Variants in ALG1 observed in about 807,000 individuals in gnomAD.
ALG1 encodes chitobiosyldiphosphodolichol beta-mannosyltransferase.
Under a neutral mutation model 55.1 loss-of-function variants are expected in ALG1, and 58 were observed. The observed-to-expected ratio is 1.05, with a 90% CI of 0.85 to 1.31. The LOEUF is 1.31. Ranked by LOEUF, ALG1 falls within the 50% of genes most tolerant of loss-of-function variation. The pLI is 0.00. For missense variants in ALG1, 761 were observed against 598.6 expected (o/e 1.27, Z -2.83); for synonymous variants, 309 against 247.0 (o/e 1.25, Z -2.35).
At chr16:5,072,278 T>C (rs2100122427) in intron 1 of ALG1, 3 of 1,445,134 alleles carry the variant, frequency 2.1e-6, no homozygotes, top group Non-Finnish European at 2.7e-6. Context: ...AGTGAATCCA[T>C]TGCGTGGTCT....
chr16:5,075,795 C>T (rs181928360), intron 4 of ALG1, among the ~76,000 whole-genome samples: 2 of 152,324 alleles, frequency 1.3e-5, no homozygotes, highest in Admixed American at 6.5e-5. Context: ...TGGGACCCAG[C>T]TCACGTCTGT....
intron 8 of ALG1, 118 bp downstream of exon 8, chr16:5,079,220 A>T: frequency 1.5e-6 from 2 of 1,373,380 alleles, no homozygotes; most frequent in Non-Finnish European, 2.0e-6. Context: ...CAGCCTGGGG[A>T]CAGCGGGGGT....
chr16:5,072,908 T>C, intron 1 of ALG1, 43 bp from the exon 2 acceptor site: 2 of 1,558,500 alleles, frequency 1.3e-6, no homozygotes, highest in Middle Eastern at 1.7e-4. Context: ...TGACTTTAGA[T>C]TGCTGCTTCT....
chr16:5,072,692 G>C (rs1364447200), intron 1 of ALG1, among the ~76,000 whole-genome samples: 3 of 152,178 alleles, frequency 2.0e-5, no homozygotes, highest in Non-Finnish European at 4.4e-5. Flanking sequence ...ATCTAGATTA[G>C]TTTAATTGAG....
intron 9 of ALG1, among the ~76,000 whole-genome samples, chr16:5,080,714 C>G (rs1203987722): frequency 6.6e-6 from 1 of 152,208 alleles, no homozygotes; most frequent in Non-Finnish European, 1.5e-5. Context: ...CAGCCCGAGG[C>G]CAGCTGGCTG....
chr16:5,080,383 C>G (rs1243819910), intron 9 of ALG1, among the ~76,000 whole-genome samples: 2 of 152,164 alleles, frequency 1.3e-5, no homozygotes, highest in Non-Finnish European at 2.9e-5. Flanking sequence ...GGTGCCTTAA[C>G]CAAGCCTCTT....
In ALG1 at chr16:5,071,941, C is replaced by T. The variant is rs1176194679; in HGVS notation, c.92C>T (p.Ala31Val). The change falls in exon 1 of 13, where the codon GCG (alanine) becomes GTG (valine). Residue 31 changes from alanine to valine, a missense_variant. Physicochemically the swap from Ala to Val is moderately conservative, Grantham distance 64. Transcript: ENST00000262374. ...TGGAAGCGCTGGCGCCGGGGGCGGG[C>T]GGCCCGGCATGTAGTAGCGGTGGTG... ...GGWKRWRRGR[A>V]ARHVVAVVLG... 17 of 1,587,756 alleles carry T rather than the reference C, an allele frequency of 1.1e-5. No individual in the cohort carries two copies. The highest frequency in any genetic ancestry group is 1.3e-5 in the African/African-American group (1 of 74,240).
chr16:5,078,028 C>G lies in ALG1; in HGVS notation c.740+11C>G. 6.3e-7 allele frequency: 1 copy of G among 1,597,566 alleles called. No individual in the cohort carries two copies. The highest frequency in any genetic ancestry group is 1.3e-5 in the African/African-American group (1 of 74,974). On this transcript the variant is annotated intron_variant, in intron 6 of 12. Coordinates refer to ENST00000262374, the MANE Select transcript of ALG1 (RefSeq NM_019109.5). Reference sequence around the variant, plus strand: ...TCCGTTCAGGGCCCGGTAGGCCTCCCATCCTCAGCTGCCTTCTCTCCTGCT... The same window carrying G: ...TCCGTTCAGGGCCCGGTAGGCCTCCGATCCTCAGCTGCCTTCTCTCCTGCT...
At chr16:5,082,966 C>T (rs1318720821) in intron 11 of ALG1, among the ~76,000 whole-genome samples, 2 of 152,176 alleles carry the variant, frequency 1.3e-5, no homozygotes, top group African/African-American at 4.8e-5. Context: ...ACAAAAAGCA[C>T]CTTAAATACC....
At chr16:5,077,350 C>T in intron 4 of ALG1, 95 bp from the exon 5 acceptor site, 7 of 1,105,674 alleles carry the variant, frequency 6.3e-6, no homozygotes, top group Non-Finnish European at 9.7e-6. Context: ...TCTCCCAGCT[C>T]TGCGGCCTTT....
chr16:5,077,641 A>G, intron 5 of ALG1, 107 bp downstream of exon 5: 1 of 1,221,622 alleles, frequency 8.2e-7, no homozygotes, highest in East Asian at 2.3e-5. Context: ...GCAATTTGAA[A>G]TACTGAGGGC....
intron 1 of ALG1, 71 bp downstream of exon 1, chr16:5,072,128 G>A (rs1370175579): frequency 5.2e-6 from 8 of 1,548,726 alleles, no homozygotes; most frequent in Admixed American, 3.9e-5. Flanking sequence ...CCGCCCCGGG[G>A]AGTCGAGGCG....
chr16:5,083,747 C>T lies in ALG1; in HGVS notation c.1253C>T (p.Ala418Val), dbSNP rs1410389037. Residue 418 changes from alanine to valine, a missense_variant, in exon 12 of 13, where the codon GCT becomes GTT. Coordinates refer to ENST00000262374, the MANE Select transcript of ALG1 (RefSeq NM_019109.5). The part of the protein sequence containing the change: ...LVFEDSEELA[A>V]QLQMLFSNFP... Reference sequence around the variant, plus strand: ...TTTGAGGACTCAGAGGAACTGGCAGCTCAGCTGCAGGTAGCCACGTCTGCC... The same window carrying T: ...TTTGAGGACTCAGAGGAACTGGCAGTTCAGCTGCAGGTAGCCACGTCTGCC... 22 of 1,597,620 alleles carry T rather than the reference C, an allele frequency of 1.4e-5. No homozygotes were observed. Among genetic ancestry groups the T allele is most frequent in the Non-Finnish European group, 1.9e-5 (22 of 1,179,780 alleles).
intron 3 of ALG1, 109 bp downstream of exon 3, chr16:5,073,365 G>T: frequency 2.0e-6 from 2 of 979,148 alleles, no homozygotes; most frequent in South Asian, 1.4e-5. Flanking sequence ...TGTGTGTATG[G>T]GCGTTTAAAG....
intron 9 of ALG1, 120 bp downstream of exon 9, chr16:5,079,927 A>G: frequency 1.5e-6 from 2 of 1,321,424 alleles, no homozygotes; most frequent in Non-Finnish European, 2.2e-6. Flanking sequence ...CAGCTCTGCC[A>G]TAGGGTCTTA....
At position 5,080,407 on chromosome 16, in the gene ALG1, G is replaced by T. The variant is rs141481063; in HGVS notation, c.962-539G>T. 9.6e-4 allele frequency among the ~76,000 whole-genome samples: 146 copies of T among 152,244 alleles called. 2 individuals are homozygous for T. The East Asian group carries it at 0.022, about 23-fold the overall frequency. ...ACCAAGCCTCTTAATTTTTCAAACG[G>T]AAGAGCCCCTGTCCCACAGTTACTG... On this transcript the variant is annotated intron_variant, in intron 9 of 12. Coordinates refer to ENST00000262374, the MANE Select transcript of ALG1 (RefSeq NM_019109.5).
intron 4 of ALG1, among the ~76,000 whole-genome samples, chr16:5,076,792 C>CTTTTTTT (rs5815229): frequency 9.2e-6 from 1 of 108,854 alleles, no homozygotes; most frequent in Non-Finnish European, 1.9e-5. Context: ...GTATTTCTTC[C>CTTTTTTT]TTTTTTTTTT....
At chr16:5,074,052 T>C (rs1956866298) in intron 3 of ALG1, among the ~76,000 whole-genome samples, 1 of 152,192 alleles carries the variant, frequency 6.6e-6, no homozygotes, top group African/African-American at 2.4e-5. Flanking sequence ...TGATCACTTT[T>C]TCTTTAAAAA....
chr16:5,077,477 T>C lies in ALG1; in HGVS notation c.572T>C (p.Leu191Pro). The C allele has an allele frequency of 6.2e-7, 1 of 1,614,206 alleles. No homozygotes were observed. The highest frequency in any genetic ancestry group is 1.1e-5 in the South Asian group (1 of 91,084). The stretch of plus-strand genomic sequence containing the variant: ...AAGTTCTTTGGGCGCCTGTCCCACC[T>C]GAACCTGTGTGTTACCAATGCTATG... ...YEKFFGRLSHLNLCVTNAMRE... is the reference protein window; with the variant it reads ...YEKFFGRLSHPNLCVTNAMRE... The change falls in exon 5 of 13, where the codon CTG (leucine) becomes CCG (proline). Residue 191 changes from leucine to proline, a missense_variant. By Grantham distance (98) the Leu-to-Pro change is moderately conservative. Transcript: ENST00000262374.
Sources: allele counts gnomAD v4.1 joint callset (sites outside exome capture counted in the v4.1 genomes callset), GRCh38; gene constraint gnomAD v4.1.1; transcripts MANE v1.5; gene names NCBI Gene and HGNC (gene_info 2026-07-23, HGNC 2026-07-21).